GNAQ: variants seen among roughly 807,000 people sequenced by gnomAD.
The protein encoded by GNAQ is guanine nucleotide-binding protein G(q) subunit alpha.
A neutral mutation model predicts 43.9 loss-of-function variants in GNAQ; 8 were observed. The observed-to-expected ratio is 0.18, with a 90% CI of 0.11 to 0.33. GNAQ has a LOEUF of 0.33. Among genes scored for constraint, GNAQ ranks in the 10% least tolerant of loss-of-function variants. The pLI, the probability that GNAQ is intolerant of heterozygous loss-of-function variation, is 1.00. For synonymous variants in GNAQ, 155 were observed against 170.7 expected (o/e 0.91, Z 0.71); for missense variants, 158 against 450.8 (o/e 0.35, Z 5.88).
chr9:77,798,573 C>T (rs1017640410), intron 3 of GNAQ, among the ~76,000 whole-genome samples: 2 of 152,084 alleles, frequency 1.3e-5, no homozygotes, highest in African/African-American at 4.8e-5. Flanking sequence ...TATCTGTGAG[C>T]GACTGGATCC....
At chr9:77,927,433 C>T (rs999720043) in intron 1 of GNAQ, among the ~76,000 whole-genome samples, 2 of 152,260 alleles carry the variant, frequency 1.3e-5, no homozygotes, top group Admixed American at 1.3e-4. Context: ...AGAAGCATTG[C>T]TCAATGCTTA....
chr9:77,848,256 G>A (rs1357390758), intron 2 of GNAQ, among the ~76,000 whole-genome samples: 2 of 152,102 alleles, frequency 1.3e-5, no homozygotes, highest in Non-Finnish European at 2.9e-5. Context: ...CCTCAGTAAA[G>A]TTGAAAGTAA....
chr9:77,944,992 C>A (rs990022938), intron 1 of GNAQ, among the ~76,000 whole-genome samples: 1 of 152,174 alleles, frequency 6.6e-6, no homozygotes, highest in Non-Finnish European at 1.5e-5. Flanking sequence ...TTCAGCAAGG[C>A]GGCTGGGGAA....
At chr9:77,864,553 C>G (rs905862809) in intron 2 of GNAQ, among the ~76,000 whole-genome samples, 6 of 152,066 alleles carry the variant, frequency 3.9e-5, no homozygotes, top group Non-Finnish European at 1.5e-5. Context: ...GGACCTGATC[C>G]CTGCTGCTGC....
intron 2 of GNAQ, among the ~76,000 whole-genome samples, chr9:77,840,225 C>A (rs150774373): frequency 1.3e-5 from 2 of 152,212 alleles, no homozygotes; most frequent in East Asian, 1.9e-4. Flanking sequence ...TGGTATACTT[C>A]TAAATAGAAC....
At chr9:77,837,168 T>C (rs1827402450) in intron 2 of GNAQ, among the ~76,000 whole-genome samples, 1 of 152,182 alleles carries the variant, frequency 6.6e-6, no homozygotes, top group African/African-American at 2.4e-5. Context: ...AAGACATATG[T>C]TAATCAGTCT....
chr9:78,002,857 C>CT (rs1384336140), intron 1 of GNAQ, among the ~76,000 whole-genome samples: 1 of 152,144 alleles, frequency 6.6e-6, no homozygotes, highest in Non-Finnish European at 1.5e-5. Context: ...ACCTAAATGA[C>CT]TAATTCTTTG....
At chr9:78,001,356 G>A (rs1044732151) in intron 1 of GNAQ, among the ~76,000 whole-genome samples, 5 of 151,834 alleles carry the variant, frequency 3.3e-5, no homozygotes, top group African/African-American at 7.3e-5. Flanking sequence ...AGCTGAGATC[G>A]CGCCACTGCA....
intron 1 of GNAQ, among the ~76,000 whole-genome samples, chr9:78,026,838 A>G (rs1823986238): frequency 6.6e-6 from 1 of 152,166 alleles, no homozygotes; most frequent in African/African-American, 2.4e-5. Context: ...TCATATTAAA[A>G]ATGTTCTAAC....
At chr9:77,780,320 T>C (rs1347799082) in intron 5 of GNAQ, among the ~76,000 whole-genome samples, 2 of 151,980 alleles carry the variant, frequency 1.3e-5, no homozygotes, top group Non-Finnish European at 2.9e-5. Flanking sequence ...TTTACTTCTA[T>C]GAGATCTACA....
chr9:78,024,376 T>C (rs1284490169), intron 1 of GNAQ, among the ~76,000 whole-genome samples: 1 of 152,188 alleles, frequency 6.6e-6, no homozygotes, highest in Non-Finnish European at 1.5e-5. Context: ...AATTCACTTC[T>C]TCCGATTACC....
At chr9:77,879,451 G>A (rs1164265100) in intron 2 of GNAQ, among the ~76,000 whole-genome samples, 1 of 152,004 alleles carries the variant, frequency 6.6e-6, no homozygotes, top group Non-Finnish European at 1.5e-5. Flanking sequence ...TACAGACTGG[G>A]TTTCACCACG....
At chr9:77,809,503 GT>G (rs1826880574) in intron 3 of GNAQ, among the ~76,000 whole-genome samples, 1 of 152,120 alleles carries the variant, frequency 6.6e-6, no homozygotes, top group Non-Finnish European at 1.5e-5. Flanking sequence ...ACAACCATCT[GT>G]TTTTTGTGCT....
intron 1 of GNAQ, among the ~76,000 whole-genome samples, chr9:77,990,366 C>A (rs1473091621): frequency 6.6e-6 from 1 of 152,212 alleles, no homozygotes. Flanking sequence ...ACCAAATGAG[C>A]ATGCCATTAT....
intron 1 of GNAQ, among the ~76,000 whole-genome samples, chr9:77,946,872 C>T (rs976076883): frequency 6.6e-6 from 1 of 152,206 alleles, no homozygotes; most frequent in African/African-American, 2.4e-5. Flanking sequence ...GCCTAGCTCA[C>T]AGGGTTTGTT....
rs1825237696 is a variant in GNAQ, at chr9:77,717,137, C to T, written c.*4186G>A. The T allele has an allele frequency of 4.3e-6, 1 of 232,202 alleles. No homozygotes were observed. Among genetic ancestry groups the T allele is most frequent in the African/African-American group, 2.2e-5 (1 of 45,274 alleles). 14.4% of individuals were successfully genotyped at this position (232,202 alleles called of 1,614,324 possible). ...GACAGATCTATTAACGCTACATATG[C>T]TGGAAATATGTAGAGATAGATAAAC... On this transcript the variant is annotated 3_prime_UTR_variant, in exon 7 of 7. Coordinates refer to ENST00000286548, the MANE Select transcript of GNAQ (RefSeq NM_002072.5).
chr9:77,982,078 G>C (rs950173736), intron 1 of GNAQ, among the ~76,000 whole-genome samples: 1 of 152,180 alleles, frequency 6.6e-6, no homozygotes, highest in African/African-American at 2.4e-5. Context: ...CCAATGACTA[G>C]CCAACCTACT....
intron 5 of GNAQ, among the ~76,000 whole-genome samples, chr9:77,751,982 T>G (rs950064642): frequency 6.6e-6 from 1 of 152,258 alleles, no homozygotes; most frequent in Non-Finnish European, 1.5e-5. Context: ...ACAGTGCTCA[T>G]GTTCAGGCTG....
At chr9:77,761,893 G>C (rs1408955647) in intron 5 of GNAQ, among the ~76,000 whole-genome samples, 1 of 117,834 alleles carries the variant, frequency 8.5e-6, no homozygotes, top group African/African-American at 3.2e-5. Context: ...CATCCGGGAG[G>C]GAGGTGGGGG....
Sources: gnomAD v4.1 joint callset for allele counts (sites outside exome capture counted in the v4.1 genomes callset) on GRCh38, gnomAD v4.1.1 for gene constraint, MANE v1.5 for transcripts, NCBI Gene and HGNC (gene_info 2026-07-23, HGNC 2026-07-21) for gene names.